EPCAM: variants seen among roughly 807,000 people sequenced by gnomAD.
The protein encoded by EPCAM is adenocarcinoma-associated antigen.
EPCAM carries 39 observed loss-of-function variants against 40.0 expected under a neutral mutation model. The observed-to-expected ratio is 0.98, with a 90% CI of 0.76 to 1.27. The LOEUF is 1.27. EPCAM is among the 50% of genes most tolerant of loss of function. EPCAM has a pLI of 0.00. For synonymous variants in EPCAM, 168 were observed against 132.3 expected, an observed-to-expected ratio of 1.27 and a Z score of -1.85; for missense variants, 503 against 381.2, an observed-to-expected ratio of 1.32 and a Z score of -2.66.
intron 1 of EPCAM, among the ~76,000 whole-genome samples, chr2:47,370,939 CT>C (rs1209891984): frequency 1.3e-5 from 2 of 152,100 alleles, no homozygotes; most frequent in Non-Finnish European, 2.9e-5. Flanking sequence ...TCTCGAACTC[CT>C]GACCTCAGGT....
Position 47,369,468 on chromosome 2 carries a change from GGCCCCTCCCGC to G in EPCAM, c.-30_-20del. ...GGCGCACGCCCTCCCGCGAGTCCCG[GGCCCCTCCCGC>G]GCCCCTCTTCTCGGCGCGCGCGCAG... On this transcript the variant is annotated 5_prime_UTR_variant, in exon 1 of 9. Transcript: ENST00000263735. 1 of 1,456,548 alleles carries G rather than the reference GGCCCCTCCCGC, an allele frequency of 6.9e-7. No homozygotes were observed. The allele number at this position is 1,456,548 out of a possible 1,614,324, so 90.2% of individuals were successfully genotyped here.
At position 47,373,845 on chromosome 2, in the gene EPCAM, T is replaced by C; in HGVS notation, c.222T>C (p.Asn74=). The C allele has an allele frequency of 6.2e-7, 1 of 1,614,152 alleles. No homozygotes were observed. Among genetic ancestry groups the C allele is most frequent in the Non-Finnish European group, 8.5e-7 (1 of 1,180,044 alleles). ...GTTTGGTGATGAAGGCAGAAATGAA[T>C]GGCTCAAAACTTGGGAGAAGAGCAA... ...AKCLVMKAEM[N]GSKLGRRAKP... is the part of the protein sequence containing the mutation. Residue 74 remains asparagine (N), a synonymous_variant, in exon 3 of 9, where the codon AAT becomes AAC. Coordinates refer to ENST00000263735, the MANE Select transcript of EPCAM (RefSeq NM_002354.3).
chr2:47,383,757 C>A (rs1671663272), intron 7 of EPCAM, among the ~76,000 whole-genome samples: 1 of 150,318 alleles, frequency 6.7e-6, no homozygotes, highest in African/African-American at 2.4e-5. Flanking sequence ...GCCTCAGCTT[C>A]CCAAGTAGCT....
rs760722807 is a variant in EPCAM, at chr2:47,383,607, C to CTTTTTTTTTTTTTTTTTTTT, written c.859-1533_859-1514dup. Among the ~76,000 whole-genome samples, 11 of 36,418 alleles carry CTTTTTTTTTTTTTTTTTTTT rather than the reference C, an allele frequency of 3.0e-4. 3 individuals carry two copies. The highest frequency in any genetic ancestry group is 5.9e-4 in the Non-Finnish European group (9 of 15,160). 23.9% of individuals were successfully genotyped at this position (36,418 alleles called of 152,430 possible). ...CATGAGCCACTGTGCCCGGCTTCTTCTTTTTTTTTTTTTTTTTTTTTTTTT... is the reference window on the plus strand; with the variant it reads ...CATGAGCCACTGTGCCCGGCTTCTTCTTTTTTTTTTTTTTTTTTTTTTTTTTTTTTTTTTTTTTTTTTTTT... On this transcript the variant is annotated intron_variant, in intron 7 of 8. Coordinates refer to ENST00000263735, the MANE Select transcript of EPCAM (RefSeq NM_002354.3).
rs1032509550 is a variant in EPCAM at position 47,369,365 on chromosome 2, C to T, written c.-141C>T. On this transcript the variant is annotated 5_prime_UTR_variant, in exon 1 of 9. Transcript: ENST00000263735. ...ACCTTCGACGCGGTCCGGGGACCCC[C>T]TCGTCGCTGTCCTCCCGACGCGGAC... The T allele has an allele frequency of 1.7e-6, 2 of 1,206,058 alleles. No homozygotes were observed. Among genetic ancestry groups the T allele is most frequent in the Non-Finnish European group, 1.1e-6 (1 of 922,944 alleles). 74.7% of individuals were successfully genotyped at this position (1,206,058 alleles called of 1,614,324 possible).
At chr2:47,381,828 A>G (rs540159755) in intron 7 of EPCAM, among the ~76,000 whole-genome samples, 33 of 152,304 alleles carry the variant, frequency 2.2e-4, no homozygotes, top group African/African-American at 7.0e-4. Flanking sequence ...GTGCAGTAGC[A>G]TGATCATAAC....
intron 7 of EPCAM, among the ~76,000 whole-genome samples, chr2:47,383,666 G>T (rs1671659959): frequency 1.7e-5 from 1 of 57,942 alleles, no homozygotes. Flanking sequence ...ATGGAGTCTT[G>T]CTCTGTTGCC....
At position 47,374,719 on chromosome 2, in the gene EPCAM, C is replaced by T. The variant is rs187865379; in HGVS notation, c.426-515C>T. 2.4e-3 allele frequency among the ~76,000 whole-genome samples: 359 copies of T among 152,190 alleles called. 1 individual carries two copies. Among genetic ancestry groups the T allele is most frequent in the African/African-American group, 8.4e-3 (347 of 41,526 alleles). ...AGTGCAGTGGCACAATCTCAGCTCA[C>T]TGCAACCTCTGCCTCCCGGGTTCAA... is the stretch of plus-strand genomic sequence containing the variant. On this transcript the variant is annotated intron_variant, in intron 3 of 8. Coordinates refer to ENST00000263735, the MANE Select transcript of EPCAM (RefSeq NM_002354.3).
intron 5 of EPCAM, among the ~76,000 whole-genome samples, chr2:47,377,357 C>T (rs561948094): frequency 1.7e-4 from 26 of 152,188 alleles, no homozygotes; most frequent in African/African-American, 6.3e-4. Flanking sequence ...ATGCCTCAGC[C>T]TCCCGAGGAG....
intron 7 of EPCAM, among the ~76,000 whole-genome samples, chr2:47,381,495 T>C (rs1024604569): frequency 2.0e-5 from 3 of 152,144 alleles, no homozygotes; most frequent in Admixed American, 2.0e-4. Context: ...CAACCATGTT[T>C]GGCTATCCAT....
At chr2:47,373,046 A>T (rs1166947441) in intron 1 of EPCAM, among the ~76,000 whole-genome samples, 6 of 151,792 alleles carry the variant, frequency 4.0e-5, no homozygotes, top group African/African-American at 1.5e-4. Context: ...TATCTACAAA[A>T]AGTTAAAAAT....
chr2:47,385,079 T>G (rs1671707110), intron 7 of EPCAM, 87 bp from the exon 8 acceptor site: 2 of 999,232 alleles, frequency 2.0e-6, no homozygotes, highest in Non-Finnish European at 3.2e-6. Context: ...AGATCAAAAT[T>G]ATGTCCATTA....
chr2:47,383,829 G>A (rs1334055230), intron 7 of EPCAM, among the ~76,000 whole-genome samples: 1 of 150,892 alleles, frequency 6.6e-6, no homozygotes, highest in Non-Finnish European at 1.5e-5. Flanking sequence ...TAGAGATAGG[G>A]TTTCACCATG....
In EPCAM at chr2:47,386,580, G is replaced by C. The variant is rs1200775407; in HGVS notation, c.912G>C (p.Glu304Asp). Reference protein sequence around the residue: ...MAKYEKAEIKEMGEMHRELNA With the variant: ...MAKYEKAEIKDMGEMHRELNA The stretch of plus-strand genomic sequence containing the variant: ...GCTTTTTCCTGTTTCAGATAAAGGA[G>C]ATGGGTGAGATGCATAGGGAACTCA... The change falls in exon 9 of 9, where the codon GAG becomes GAC. Residue 304 changes from glutamate to aspartate, a missense_variant. Coordinates refer to ENST00000263735, the MANE Select transcript of EPCAM (RefSeq NM_002354.3). The C allele has an allele frequency of 6.2e-7, 1 of 1,606,104 alleles. No individual in the cohort carries two copies. The highest frequency in any genetic ancestry group is 8.5e-7 in the Non-Finnish European group (1 of 1,174,264).
intron 7 of EPCAM, among the ~76,000 whole-genome samples, chr2:47,383,716 C>G (rs1671661737): frequency 7.1e-6 from 1 of 141,810 alleles, no homozygotes; most frequent in Admixed American, 7.3e-5. Flanking sequence ...CTCACTGCAA[C>G]CTCCATCTCC....
chr2:47,382,031 C>T (rs1671606357), intron 7 of EPCAM, among the ~76,000 whole-genome samples: 1 of 152,054 alleles, frequency 6.6e-6, no homozygotes, highest in Non-Finnish European at 1.5e-5. Context: ...GCCTCCCAAA[C>T]TGCTGGGATT....
rs771063031 is a variant in EPCAM at position 47,379,872 on chromosome 2, A to G, written c.761A>G (p.Glu254Gly). The G allele has an allele frequency of 6.2e-7, 1 of 1,614,208 alleles. No homozygotes were observed. Among genetic ancestry groups the G allele is most frequent in the South Asian group, 1.1e-5 (1 of 91,086 alleles). ...PGQTLIYYVD[E>G]KAPEFSMQGL... ...CAAACTTTAATTTATTATGTTGATG[A>G]AAAAGCACCTGAATTCTCAATGCAG... The change falls in exon 7 of 9, where the codon GAA (glutamate) becomes GGA (glycine). Residue 254 changes from glutamate (E) to glycine (G), a missense_variant. Transcript: ENST00000263735.
At chr2:47,373,235 A>C (rs967734929) in intron 1 of EPCAM, among the ~76,000 whole-genome samples, 3 of 145,962 alleles carry the variant, frequency 2.1e-5, no homozygotes, top group East Asian at 2.0e-4. Context: ...AAAAAAAAAA[A>C]CAGGAATGCA....
chr2:47,380,017 G>T (rs777628310), intron 7 of EPCAM, 48 bp downstream of exon 7: 1 of 1,562,462 alleles, frequency 6.4e-7, no homozygotes, highest in African/African-American at 1.4e-5. Flanking sequence ...ATTTTTTCAA[G>T]AAAAAGTAAT....
Sources: gnomAD v4.1 joint callset for allele counts (sites outside exome capture counted in the v4.1 genomes callset) on GRCh38, gnomAD v4.1.1 for gene constraint, MANE v1.5 for transcripts, NCBI Gene and HGNC (gene_info 2026-07-23, HGNC 2026-07-21) for gene names.